The following ANO3 variants were observed in gnomAD, a reference collection of about 807,000 sequenced individuals.
ANO3 encodes the protein anoctamin-3.
In ANO3, 99 loss-of-function variants were observed where a neutral mutation model predicts 144.8. The ratio of observed to expected loss-of-function variants is 0.68; its 90% CI spans 0.58 to 0.81. ANO3 has a LOEUF of 0.81. Among genes scored for constraint, ANO3 ranks in the 30% least tolerant of loss-of-function variants. The pLI is 0.00. For synonymous variants in ANO3, 414 were observed against 392.6 expected, an observed-to-expected ratio of 1.05 and a Z score of -0.64; for missense variants, 905 against 1,202.2, an observed-to-expected ratio of 0.75 and a Z score of 3.66.
intron 17 of ANO3, among the ~76,000 whole-genome samples, chr11:26,611,859 A>AT (rs71449124): frequency 0.05 from 7,563 of 151,256 alleles, 257 homozygotes; most frequent in Non-Finnish European, 0.072. Context: ...TCATTATATA[A>AT]TTTTTTTTTG....
intron 1 of ANO3, among the ~76,000 whole-genome samples, chr11:26,360,060 T>G (rs4244523): frequency 6.6e-6 from 1 of 151,428 alleles, no homozygotes; most frequent in Non-Finnish European, 1.5e-5. Flanking sequence ...TTATTCCCAT[T>G]ATCCTATTTT....
At chr11:26,386,615 T>C (rs907766941) in intron 1 of ANO3, among the ~76,000 whole-genome samples, 2 of 152,316 alleles carry the variant, frequency 1.3e-5, no homozygotes, top group East Asian at 1.9e-4. Context: ...CTGAGAAGAA[T>C]ACAACATTAT....
intron 1 of ANO3, among the ~76,000 whole-genome samples, chr11:26,339,207 T>C (rs1590273159): frequency 6.6e-6 from 1 of 151,078 alleles, no homozygotes; most frequent in African/African-American, 2.4e-5. Flanking sequence ...CAGGCTGGAG[T>C]GCAGTGGCAC....
intron 14 of ANO3, among the ~76,000 whole-genome samples, chr11:26,595,191 C>T (rs1381874226): frequency 1.3e-5 from 2 of 152,190 alleles, no homozygotes; most frequent in Non-Finnish European, 2.9e-5. Context: ...ATTAGTTACA[C>T]TCACCAGTGT....
At chr11:26,285,089 T>A (rs78273514) in intron 1 of ANO3, among the ~76,000 whole-genome samples, 1 of 151,282 alleles carries the variant, frequency 6.6e-6, no homozygotes, top group Non-Finnish European at 1.5e-5. Context: ...GTTTATTTAC[T>A]GTGTACAATT....
At chr11:26,453,158 G>A (rs1009944658) in intron 3 of ANO3, among the ~76,000 whole-genome samples, 1 of 152,176 alleles carries the variant, frequency 6.6e-6, no homozygotes, top group Non-Finnish European at 1.5e-5. Flanking sequence ...AGACTAGGAA[G>A]ACACTGCATC....
At chr11:26,368,049 A>C (rs1479846654) in intron 1 of ANO3, among the ~76,000 whole-genome samples, 2 of 152,228 alleles carry the variant, frequency 1.3e-5, no homozygotes, top group African/African-American at 4.8e-5. Context: ...GGATGAGGAC[A>C]AACATTCAAA....
At chr11:26,354,245 A>C (rs1425589059) in intron 1 of ANO3, among the ~76,000 whole-genome samples, 1 of 152,200 alleles carries the variant, frequency 6.6e-6, no homozygotes, top group Non-Finnish European at 1.5e-5. Context: ...CTACTATGAC[A>C]TATAGAGCCT....
At chr11:26,211,153 C>T (rs909769916) in intron 1 of ANO3, among the ~76,000 whole-genome samples, 3 of 152,078 alleles carry the variant, frequency 2.0e-5, no homozygotes, top group Non-Finnish European at 4.4e-5. Flanking sequence ...TCATAAGAAA[C>T]AGTCTCTTAG....
chr11:26,447,160 T>C (rs968927708), intron 3 of ANO3, among the ~76,000 whole-genome samples: 1 of 123,916 alleles, frequency 8.1e-6, no homozygotes, highest in Non-Finnish European at 1.6e-5. Flanking sequence ...TGAGCTATGA[T>C]CACACCCCTG....
At chr11:26,297,295 A>C (rs1453350374) in intron 1 of ANO3, among the ~76,000 whole-genome samples, 2 of 108,864 alleles carry the variant, frequency 1.8e-5, no homozygotes, top group Non-Finnish European at 3.6e-5. Context: ...GATCATTTTA[A>C]ATTTCACTTT....
chr11:26,589,764 T>C (rs2132887611), intron 14 of ANO3, among the ~76,000 whole-genome samples: 1 of 152,346 alleles, frequency 6.6e-6, no homozygotes, highest in South Asian at 2.1e-4. Context: ...CACTTAGCCC[T>C]GTGTTTTCAA....
At chr11:26,545,677 T>C (rs1182683102) in intron 11 of ANO3, among the ~76,000 whole-genome samples, 1 of 151,130 alleles carries the variant, frequency 6.6e-6, no homozygotes, top group Admixed American at 6.7e-5. Flanking sequence ...AGCAGAATTA[T>C]ATCATTGAAT....
rs1196943097 is a variant in ANO3 at position 26,477,299 on chromosome 11, G to A, written c.432+14151G>A. ...AATTATGCTTTATATCATTTGACAG[G>A]ACTTCCAGATACCAGTGACTCCTAT... is the stretch of plus-strand genomic sequence containing the variant. On this transcript the variant is annotated intron_variant, in intron 4 of 26. Transcript: ENST00000256737. Among the ~76,000 whole-genome samples the A allele has an allele frequency of 3.3e-5, 5 of 152,006 alleles. No individual in the cohort carries two copies. In the East Asian group the frequency reaches 9.7e-4, roughly 29 times the overall value.
chr11:26,543,793 C>A lies in ANO3; in HGVS notation c.1154+1725C>A, dbSNP rs140374421. ...TCACTACAAAGGACATGAACTCATCCTTTTTTATGGCTGCATAGTATTCCA... is the reference window on the plus strand; with the variant it reads ...TCACTACAAAGGACATGAACTCATCATTTTTTATGGCTGCATAGTATTCCA... On this transcript the variant is annotated intron_variant, in intron 11 of 26. Coordinates refer to ENST00000256737, the MANE Select transcript of ANO3 (RefSeq NM_031418.4). Among the ~76,000 whole-genome samples the A allele has an allele frequency of 1.7e-3, 264 of 152,126 alleles. 4 individuals are homozygous for A. The East Asian group carries it at 0.034, about 20-fold the overall frequency.
intron 1 of ANO3, among the ~76,000 whole-genome samples, chr11:26,426,519 A>T (rs1325968192): frequency 6.6e-6 from 1 of 152,236 alleles, no homozygotes; most frequent in Non-Finnish European, 1.5e-5. Context: ...ATGAATGCTC[A>T]TAAGCAGTAT....
At chr11:26,530,421 A>T (rs1015297244) in intron 7 of ANO3, among the ~76,000 whole-genome samples, 76 of 10,006 alleles carry the variant, frequency 7.6e-3, no homozygotes, top group Admixed American at 0.016. Context: ...GTTTGTTTTA[A>T]AAAAAAGCAG....
At chr11:26,244,527 C>T (rs1345596273) in intron 1 of ANO3, among the ~76,000 whole-genome samples, 4 of 152,090 alleles carry the variant, frequency 2.6e-5, no homozygotes, top group Non-Finnish European at 4.4e-5. Flanking sequence ...AGAAAAGGAT[C>T]GTAGGAGACT....
intron 1 of ANO3, among the ~76,000 whole-genome samples, chr11:26,245,640 T>C (rs1471968989): frequency 1.3e-5 from 2 of 152,210 alleles, no homozygotes; most frequent in African/African-American, 4.8e-5. Context: ...TTTCCTTTTA[T>C]TTCTGATAGT....
Sources: allele counts gnomAD v4.1 joint callset (sites outside exome capture counted in the v4.1 genomes callset), GRCh38; gene constraint gnomAD v4.1.1; transcripts MANE v1.5; gene names NCBI Gene and HGNC (gene_info 2026-07-23, HGNC 2026-07-21).